Variants in RSU1 observed in about 807,000 individuals in gnomAD.
RSU1 encodes rsu-1.
RSU1 carries 26 observed loss-of-function variants against 31.1 expected under a neutral mutation model. The observed-to-expected ratio is 0.84, with a 90% CI of 0.61 to 1.16. The LOEUF is 1.16. Ranked by LOEUF, RSU1 falls within the 50% of genes most tolerant of loss-of-function variation. RSU1 has a pLI of 0.00. For synonymous variants in RSU1, 164 were observed against 136.3 expected (o/e 1.20, Z -1.41); for missense variants, 320 against 339.1 (o/e 0.94, Z 0.44).
chr10:16,767,990 A>G (rs1274502649), intron 3 of RSU1, among the ~76,000 whole-genome samples: 1 of 152,270 alleles, frequency 6.6e-6, no homozygotes, highest in Non-Finnish European at 1.5e-5. Flanking sequence ...TTTACCAGTC[A>G]AAATATTCTA....
At chr10:16,803,845 G>A (rs1304911412) in intron 2 of RSU1, among the ~76,000 whole-genome samples, 2 of 152,096 alleles carry the variant, frequency 1.3e-5, no homozygotes, top group Non-Finnish European at 2.9e-5. Context: ...ATGAATCACA[G>A]ACCTAATGAA....
intron 8 of RSU1, among the ~76,000 whole-genome samples, chr10:16,597,530 T>C (rs879944722): frequency 2.0e-5 from 3 of 152,184 alleles, no homozygotes; most frequent in Non-Finnish European, 4.4e-5. Flanking sequence ...AGTTTCTTTA[T>C]CTGTAAGCTA....
intron 7 of RSU1, among the ~76,000 whole-genome samples, chr10:16,738,309 G>A (rs9971032): frequency 0.3 from 45,496 of 151,876 alleles, 7,724 homozygotes; most frequent in East Asian, 0.62. Context: ...AAATTAGCTG[G>A]GCCCGGTGGC....
At chr10:16,717,461 C>G (rs544538077) in intron 7 of RSU1, among the ~76,000 whole-genome samples, 38 of 152,212 alleles carry the variant, frequency 2.5e-4, no homozygotes, top group Non-Finnish European at 5.1e-4. Context: ...TTTCATGAAA[C>G]ATTTTCACTT....
At chr10:16,689,436 C>G (rs1835499219) in intron 8 of RSU1, among the ~76,000 whole-genome samples, 1 of 152,196 alleles carries the variant, frequency 6.6e-6, no homozygotes, top group Non-Finnish European at 1.5e-5. Flanking sequence ...TCAGCAGTCA[C>G]TAGAGGATAT....
chr10:16,744,636 T>C (rs1239362388), intron 7 of RSU1, among the ~76,000 whole-genome samples: 1 of 152,144 alleles, frequency 6.6e-6, no homozygotes, highest in African/African-American at 2.4e-5. Flanking sequence ...AATGGGTGAA[T>C]GAGTGAATGA....
chr10:16,754,388 T>C (rs1397845630), intron 5 of RSU1, among the ~76,000 whole-genome samples: 2 of 152,162 alleles, frequency 1.3e-5, no homozygotes, highest in African/African-American at 4.8e-5. Context: ...GATAAATAGG[T>C]CAATAAGAGT....
At chr10:16,779,614 A>T (rs1326918775) in intron 3 of RSU1, among the ~76,000 whole-genome samples, 1 of 152,024 alleles carries the variant, frequency 6.6e-6, no homozygotes, top group Non-Finnish European at 1.5e-5. Context: ...AGATAAAAGC[A>T]GTGCCGGGTG....
rs1564308289 is a variant in RSU1, at chr10:16,667,056, A to AAC, written c.731+27966_731+27967insGT. Among the ~76,000 whole-genome samples, 13 of 145,696 alleles carry AAC rather than the reference A, an allele frequency of 8.9e-5. No individual in the cohort carries two copies. The East Asian group carries it at 1.7e-3, about 19-fold the overall frequency. ...ACAACAACAACAACAACAACAACAA[A>AAC]AAACAAAGAAAAAAACAAGTTATCT... On this transcript the variant is annotated intron_variant, in intron 8 of 8. Transcript: ENST00000345264.
intron 2 of RSU1, among the ~76,000 whole-genome samples, chr10:16,793,428 C>T (rs867593271): frequency 2.6e-5 from 4 of 152,110 alleles, no homozygotes; most frequent in Non-Finnish European, 5.9e-5. Flanking sequence ...TTGAGAACCC[C>T]CCATGAGCTG....
At chr10:16,656,488 G>A (rs1026202946) in intron 8 of RSU1, among the ~76,000 whole-genome samples, 1 of 152,244 alleles carries the variant, frequency 6.6e-6, no homozygotes, top group African/African-American at 2.4e-5. Context: ...ATTACCTTAC[G>A]TACAAAATAA....
chr10:16,717,090 T>C (rs1458787138), intron 7 of RSU1, among the ~76,000 whole-genome samples: 2 of 152,212 alleles, frequency 1.3e-5, no homozygotes, highest in Non-Finnish European at 2.9e-5. Flanking sequence ...ATAAATACCC[T>C]TGAATCCAAT....
chr10:16,810,836 A>G (rs1272828553), intron 2 of RSU1, among the ~76,000 whole-genome samples: 1 of 152,108 alleles, frequency 6.6e-6, no homozygotes, highest in Non-Finnish European at 1.5e-5. Context: ...AGCCTGGGAG[A>G]AATGGCGAAA....
At chr10:16,621,241 C>A (rs1032881855) in intron 8 of RSU1, among the ~76,000 whole-genome samples, 9 of 152,156 alleles carry the variant, frequency 5.9e-5, no homozygotes, top group Non-Finnish European at 7.4e-5. Flanking sequence ...AGGGATGCCA[C>A]TGAACATGCC....
Position 16,761,238 on chromosome 10 carries a change from C to T in RSU1, c.281+3152G>A, listed in dbSNP as rs78241589. 4.3e-3 allele frequency among the ~76,000 whole-genome samples: 649 copies of T among 152,310 alleles called. 16 individuals are homozygous for T. The highest frequency in any genetic ancestry group is 0.02 in the East Asian group (101 of 5,176). ...AACTATAGCTATGAGCCACCACGCC[C>T]GAGAGGAGCTGCTTTATTTAGCACA... On this transcript the variant is annotated intron_variant, in intron 4 of 8. Transcript: ENST00000345264.
intron 2 of RSU1, among the ~76,000 whole-genome samples, chr10:16,810,381 C>T (rs185463754): frequency 5.3e-5 from 8 of 152,162 alleles, no homozygotes. Flanking sequence ...GGAAAAATTA[C>T]CAGTTTTCAA....
At chr10:16,715,077 T>G (rs2131583833) in intron 7 of RSU1, among the ~76,000 whole-genome samples, 2 of 152,328 alleles carry the variant, frequency 1.3e-5, no homozygotes, top group South Asian at 4.1e-4. Context: ...CGCTCACCTG[T>G]CCATGGTGCT....
intron 8 of RSU1, among the ~76,000 whole-genome samples, chr10:16,691,249 G>A (rs751245805): frequency 1.3e-5 from 2 of 152,082 alleles, no homozygotes; most frequent in African/African-American, 4.8e-5. Context: ...CACACAAAGA[G>A]TTGAGTTGGG....
At chr10:16,739,380 C>T (rs1314867789) in intron 7 of RSU1, among the ~76,000 whole-genome samples, 1 of 151,562 alleles carries the variant, frequency 6.6e-6, no homozygotes, top group Non-Finnish European at 1.5e-5. Flanking sequence ...TCTGTTGCTT[C>T]CTGACTTTTT....
Sources: allele counts gnomAD v4.1 joint callset (sites outside exome capture counted in the v4.1 genomes callset), GRCh38; gene constraint gnomAD v4.1.1; transcripts MANE v1.5; gene names NCBI Gene and HGNC (gene_info 2026-07-23, HGNC 2026-07-21).